The following NCAM2 variants were observed in gnomAD, a reference collection of about 807,000 sequenced individuals.
The protein encoded by NCAM2 is neural cell adhesion molecule 2.
A neutral mutation model predicts 98.1 loss-of-function variants in NCAM2; 30 were observed. The ratio of observed to expected loss-of-function variants is 0.31; its 90% CI spans 0.23 to 0.41. The LOEUF is 0.41. Among genes scored for constraint, NCAM2 ranks in the 10% least tolerant of loss-of-function variants. The pLI is 1.00. For missense variants in NCAM2, 867 were observed against 1,005.8 expected (o/e 0.86, Z 1.87); for synonymous variants, 368 against 342.4 (o/e 1.07, Z -0.83).
At chr21:21,071,822 G>T (rs543540781) in intron 1 of NCAM2, among the ~76,000 whole-genome samples, 53 of 152,274 alleles carry the variant, frequency 3.5e-4, no homozygotes, top group Admixed American at 1.2e-3. Flanking sequence ...TTCAGTAAAT[G>T]TTAGCTACAT....
At chr21:21,411,735 C>G (rs1200467158) in intron 10 of NCAM2, among the ~76,000 whole-genome samples, 1 of 152,112 alleles carries the variant, frequency 6.6e-6, no homozygotes. Flanking sequence ...AGAATACCGT[C>G]TAATATCCAT....
chr21:21,267,880 C>T (rs2072346636), intron 1 of NCAM2, among the ~76,000 whole-genome samples: 1 of 152,076 alleles, frequency 6.6e-6, no homozygotes, highest in Non-Finnish European at 1.5e-5. Flanking sequence ...GCAGTTTATA[C>T]AGTTAATTGG....
chr21:21,528,726 G>A (rs1209847650), intron 16 of NCAM2, among the ~76,000 whole-genome samples: 2 of 152,098 alleles, frequency 1.3e-5, no homozygotes, highest in East Asian at 1.9e-4. Context: ...ATATTCACAT[G>A]TGTGTCTGGA....
chr21:21,530,793 C>G (rs1297556694), intron 16 of NCAM2, among the ~76,000 whole-genome samples: 2 of 151,700 alleles, frequency 1.3e-5, no homozygotes. Context: ...ATGGACTGTT[C>G]TGTTTTGAAT....
intron 1 of NCAM2, among the ~76,000 whole-genome samples, chr21:21,051,544 G>T (rs1462221811): frequency 2.0e-5 from 3 of 152,184 alleles, no homozygotes; most frequent in Non-Finnish European, 4.4e-5. Flanking sequence ...CAAATTGTTT[G>T]CAACTCAGGT....
chr21:21,072,664 A>G (rs999483361), intron 1 of NCAM2, among the ~76,000 whole-genome samples: 1 of 152,162 alleles, frequency 6.6e-6, no homozygotes, highest in African/African-American at 2.4e-5. Flanking sequence ...TTGTATTACT[A>G]AAAGAATACA....
intron 1 of NCAM2, among the ~76,000 whole-genome samples, chr21:21,212,627 T>C (rs1340518904): frequency 6.6e-6 from 1 of 152,146 alleles, no homozygotes; most frequent in Non-Finnish European, 1.5e-5. Flanking sequence ...GACAATATCA[T>C]GGTTGTGATA....
At chr21:21,220,207 C>T (rs1319678445) in intron 1 of NCAM2, among the ~76,000 whole-genome samples, 2 of 152,024 alleles carry the variant, frequency 1.3e-5, no homozygotes, top group Non-Finnish European at 2.9e-5. Context: ...TGTTCTAGAC[C>T]TTCACGTGCA....
chr21:21,451,543 G>A (rs1981071109), intron 12 of NCAM2, among the ~76,000 whole-genome samples: 1 of 152,022 alleles, frequency 6.6e-6, no homozygotes, highest in South Asian at 2.1e-4. Context: ...AATTAAAATA[G>A]TAGTTTCTCT....
chr21:21,017,886 TATACAC>T (rs1314453968), intron 1 of NCAM2, among the ~76,000 whole-genome samples: 5 of 152,208 alleles, frequency 3.3e-5, no homozygotes, highest in South Asian at 4.1e-4. Flanking sequence ...TGTATATACT[TATACAC>T]ATACAGATAT....
At chr21:21,331,209 T>C (rs1477441745) in intron 6 of NCAM2, among the ~76,000 whole-genome samples, 1 of 151,848 alleles carries the variant, frequency 6.6e-6, no homozygotes, top group Admixed American at 6.6e-5. Flanking sequence ...GCAGTGGCAC[T>C]CACTGCAACC....
chr21:21,144,995 T>TTACTGGCACTGATATGAA (rs1200169362), intron 1 of NCAM2, among the ~76,000 whole-genome samples: 1 of 151,568 alleles, frequency 6.6e-6, no homozygotes, highest in African/African-American at 2.4e-5. Flanking sequence ...TTTAAAAATG[T>TTACTGGCACTGATATGAA]TACTGGCACT....
At chr21:21,339,342 G>T (rs763949863) in intron 8 of NCAM2, among the ~76,000 whole-genome samples, 4 of 151,984 alleles carry the variant, frequency 2.6e-5, no homozygotes, top group Non-Finnish European at 5.9e-5. Context: ...TAACCAGAAT[G>T]CATTCAACTT....
At chr21:21,495,140 A>ATTG (rs1168023597) in intron 15 of NCAM2, among the ~76,000 whole-genome samples, 2 of 151,954 alleles carry the variant, frequency 1.3e-5, no homozygotes, top group African/African-American at 4.8e-5. Flanking sequence ...GGGGCTACTT[A>ATTG]AAATTCCATT....
At chr21:21,014,467 C>T (rs1411338870) in intron 1 of NCAM2, among the ~76,000 whole-genome samples, 1 of 151,618 alleles carries the variant, frequency 6.6e-6, no homozygotes. Context: ...TCTGACTGTG[C>T]TCTACAAATG....
chr21:21,499,721 T>C (rs1987501503), intron 15 of NCAM2, among the ~76,000 whole-genome samples: 1 of 152,208 alleles, frequency 6.6e-6, no homozygotes, highest in Non-Finnish European at 1.5e-5. Flanking sequence ...ATAACATATG[T>C]ATATAATGAC....
chr21:21,231,493 G>T (rs904146507), intron 1 of NCAM2, among the ~76,000 whole-genome samples: 8 of 151,256 alleles, frequency 5.3e-5, no homozygotes, highest in Non-Finnish European at 7.4e-5. Flanking sequence ...TTATACTATA[G>T]AATTAATGCA....
At chr21:21,415,676 C>A (rs557651114) in intron 10 of NCAM2, among the ~76,000 whole-genome samples, 1 of 152,276 alleles carries the variant, frequency 6.6e-6, no homozygotes, top group South Asian at 2.1e-4. Context: ...GCTTCTACAT[C>A]AGCACTTGCT....
At chr21:21,220,941 G>A (rs886588296) in intron 1 of NCAM2, among the ~76,000 whole-genome samples, 35 of 152,152 alleles carry the variant, frequency 2.3e-4, no homozygotes, top group African/African-American at 8.4e-4. Context: ...GAATTTTTGT[G>A]GCAACCATGC....
Sources: gnomAD v4.1 joint callset for allele counts (sites outside exome capture counted in the v4.1 genomes callset) on GRCh38, gnomAD v4.1.1 for gene constraint, MANE v1.5 for transcripts, NCBI Gene and HGNC (gene_info 2026-07-23, HGNC 2026-07-21) for gene names.